CRHR2: variants seen among roughly 807,000 people sequenced by gnomAD.
The protein encoded by CRHR2 is corticotropin releasing hormone receptor 2, also known as corticotropin-releasing hormone receptor 2.
A neutral mutation model predicts 57.9 loss-of-function variants in CRHR2; 53 were observed. The ratio of observed to expected loss-of-function variants is 0.92; its 90% CI spans 0.73 to 1.15. The LOEUF is 1.15. CRHR2 is among the 50% of genes most tolerant of loss of function. CRHR2 has a pLI of 0.00. For synonymous variants in CRHR2, 213 were observed against 220.9 expected, an observed-to-expected ratio of 0.96 and a Z score of 0.32; for missense variants, 532 against 542.6, an observed-to-expected ratio of 0.98 and a Z score of 0.19.
chr7:30,677,808 G>A (rs920071273), intron 2 of CRHR2, among the ~76,000 whole-genome samples: 2 of 152,242 alleles, frequency 1.3e-5, no homozygotes, highest in East Asian at 1.9e-4. Flanking sequence ...AGTGGCTCAC[G>A]CCTATACTCC....
At position 30,653,990 on chromosome 7, in the gene CRHR2, G is replaced by A. The variant is rs527513129; in HGVS notation, c.1096-390C>T. Among the ~76,000 whole-genome samples, 45 of 152,026 alleles carry A rather than the reference G, an allele frequency of 3.0e-4. No homozygotes were observed. Among genetic ancestry groups the A allele is most frequent in the African/African-American group, 1.1e-3 (45 of 41,470 alleles). On this transcript the variant is annotated intron_variant, in intron 11 of 11. Coordinates refer to ENST00000471646, the MANE Select transcript of CRHR2 (RefSeq NM_001883.5). The surrounding 1 kb of genome is among the most constrained non-coding windows in gnomAD (Gnocchi z 5.0). ...TCCTTGCAGGGCGTTGGTGGTGTGCGCCCAGCTCACACACCTGGTGCGCCT... is the reference window on the plus strand; with the variant it reads ...TCCTTGCAGGGCGTTGGTGGTGTGCACCCAGCTCACACACCTGGTGCGCCT...
intron 2 of CRHR2, among the ~76,000 whole-genome samples, chr7:30,671,043 G>A (rs1481351644): frequency 3.3e-5 from 5 of 152,178 alleles, no homozygotes; most frequent in African/African-American, 9.7e-5. Context: ...GTTACCTGGG[G>A]TGGTCCTGAA....
Position 30,665,117 on chromosome 7 carries a change from A to G in CRHR2, c.496T>C (p.Trp166Arg), listed in dbSNP as rs1350765247. The G allele has an allele frequency of 3.7e-6, 6 of 1,614,090 alleles. No individual in the cohort carries two copies. Among genetic ancestry groups the G allele is most frequent in the Non-Finnish European group, 5.1e-6 (6 of 1,180,018 alleles). ...ITTFILRNVMWFLLQLVDHEV... is the reference protein window; with the variant it reads ...ITTFILRNVMRFLLQLVDHEV... ...TGGTCAACGAGCTGCAGCAGGAACC[A>G]CATGACATTTCGCAGGATAAAGGTG... Residue 166 changes from tryptophan (W) to arginine (R), a missense_variant, in exon 5 of 12, where the codon TGG becomes CGG. Transcript: ENST00000471646. This position sits in a 1 kb window ranked among gnomAD's most constrained non-coding sequence, Gnocchi z 4.5.
intron 2 of CRHR2, among the ~76,000 whole-genome samples, chr7:30,669,973 C>T (rs190317392): frequency 1.4e-4 from 21 of 152,264 alleles, no homozygotes; most frequent in African/African-American, 2.6e-4. Context: ...ACTCAAATGC[C>T]GCCTCCTGCA....
At chr7:30,667,549 C>T (rs1034613365) in intron 2 of CRHR2, among the ~76,000 whole-genome samples, 3 of 152,238 alleles carry the variant, frequency 2.0e-5, no homozygotes, top group Admixed American at 1.3e-4. Flanking sequence ...CTTTGACTAG[C>T]ATTTTGTACA....
chr7:30,680,159 C>G (rs1784654214), intron 2 of CRHR2, among the ~76,000 whole-genome samples: 1 of 152,204 alleles, frequency 6.6e-6, no homozygotes, highest in Non-Finnish European at 1.5e-5. Context: ...CCCCACACCC[C>G]AATCCCATAG....
intron 2 of CRHR2, among the ~76,000 whole-genome samples, chr7:30,670,790 G>C (rs1283045566): frequency 2.6e-5 from 4 of 152,234 alleles, no homozygotes; most frequent in Admixed American, 6.5e-5. Flanking sequence ...AGAGAGGTGG[G>C]TGCCCATTAC....
At chr7:30,660,804 C>G (rs1783969998) in intron 7 of CRHR2, among the ~76,000 whole-genome samples, 159 bp from the exon 8 acceptor site, 1 of 152,214 alleles carries the variant, frequency 6.6e-6, no homozygotes, top group Non-Finnish European at 1.5e-5. Context: ...CTCCACTGAC[C>G]ACCCTTACCC....
At position 30,665,175 on chromosome 7, in the gene CRHR2, A is replaced by G; in HGVS notation, c.438T>C (p.Cys146=). The change falls in exon 5 of 12, where the codon TGT becomes TGC. Residue 146 remains cysteine, a synonymous_variant. Transcript: ENST00000471646. This position sits in a 1 kb window ranked among gnomAD's most constrained non-coding sequence, Gnocchi z 4.5. ...LLFLALRSIR[C]LRNVIHWNLI... ...GGTTCCAGTGAATCACATTCCGCAG[A>G]CAGCGAATGCTCCTGTGGGAGGTGC... 1 of 1,614,066 alleles carries G rather than the reference A, an allele frequency of 6.2e-7. No individual in the cohort carries two copies. Among genetic ancestry groups the G allele is most frequent in the Non-Finnish European group, 8.5e-7 (1 of 1,179,936 alleles).
chr7:30,666,856 TGGA>T (rs1450834356), intron 3 of CRHR2, among the ~76,000 whole-genome samples: 1 of 152,162 alleles, frequency 6.6e-6, no homozygotes, highest in Non-Finnish European at 1.5e-5. Context: ...TGTTTCCATG[TGGA>T]GTCACAGAAT....
chr7:30,665,017 C>T lies in CRHR2; in HGVS notation c.543+53G>A, dbSNP rs1437823134. 1.0e-5 allele frequency: 15 copies of T among 1,455,506 alleles called. No homozygotes were observed. In the South Asian group the frequency reaches 1.3e-4, roughly 12 times the overall value. The allele number at this position is 1,455,506 out of a possible 1,614,324, so 90.2% of individuals were successfully genotyped here. ...AGAGACCAGACAGACAGATGGGTGC[C>T]CCCGGAGCCCAGAGCCCCCCAGGTA... On this transcript the variant is annotated intron_variant, in intron 5 of 11. Transcript: ENST00000471646. This position sits in a 1 kb window ranked among gnomAD's most constrained non-coding sequence, Gnocchi z 4.5.
chr7:30,667,241 A>G lies in CRHR2; in HGVS notation c.302T>C (p.Ile101Thr), dbSNP rs1003438447. 1.1e-5 allele frequency: 17 copies of G among 1,613,982 alleles called. No homozygotes were observed. The highest frequency in any genetic ancestry group is 1.0e-5 in the Non-Finnish European group (12 of 1,180,012). ...SKINYSQCEPILDDKQRKYDL... is the reference protein window; with the variant it reads ...SKINYSQCEPTLDDKQRKYDL... ...AGGGCCACTCACCTTGTCATCCAAAATGGGCTCACACTGTGAGTAGTTGAT... is the reference window on the plus strand; with the variant it reads ...AGGGCCACTCACCTTGTCATCCAAAGTGGGCTCACACTGTGAGTAGTTGAT... The change falls in exon 3 of 12, where the codon ATT (isoleucine) becomes ACT (threonine). Residue 101 changes from isoleucine (I) to threonine (T), a missense_variant. Ile to Thr is a moderately conservative substitution (Grantham distance 89, BLOSUM62 -1). Coordinates refer to ENST00000471646, the MANE Select transcript of CRHR2 (RefSeq NM_001883.5).
rs1004139100 is a variant in CRHR2, at chr7:30,652,542, T to A, written c.*918A>T. On this transcript the variant is annotated 3_prime_UTR_variant, in exon 12 of 12. Transcript: ENST00000471646. This position sits in a 1 kb window ranked among gnomAD's most constrained non-coding sequence, Gnocchi z 4.4. ...AGCCACGATCCTTGGCCCACACCACTCTTCGGGTGCCTGGGTGACTTGACC... is the reference window on the plus strand; with the variant it reads ...AGCCACGATCCTTGGCCCACACCACACTTCGGGTGCCTGGGTGACTTGACC... The A allele has an allele frequency of 1.3e-5, 2 of 152,196 alleles. No individual in the cohort carries two copies. Among genetic ancestry groups the A allele is most frequent in the African/African-American group, 4.8e-5 (2 of 41,426 alleles). 9.4% of individuals were successfully genotyped at this position (152,196 alleles called of 1,614,324 possible).
intron 11 of CRHR2, 54 bp downstream of exon 11, chr7:30,654,985 G>T: frequency 6.3e-7 from 1 of 1,598,568 alleles, no homozygotes; most frequent in African/African-American, 1.3e-5. Context: ...CTGCCCTGGA[G>T]TGGGGTCTGA....
upstream of CRHR2, chr7:30,686,375 GA>G: frequency 6.6e-7 from 1 of 1,525,032 alleles, no homozygotes; most frequent in Non-Finnish European, 8.8e-7. Context: ...GAGTCACTAA[GA>G]AAGGACAGAT....
intron 8 of CRHR2, among the ~76,000 whole-genome samples, chr7:30,657,036 C>G (rs1234484122): frequency 6.6e-6 from 1 of 152,024 alleles, no homozygotes; most frequent in Non-Finnish European, 1.5e-5. Context: ...CAGAGGGAGA[C>G]ACATGTTAGC....
chr7:30,697,121 G>A (rs942711711), intron 1 of CRHR2, among the ~76,000 whole-genome samples: 2 of 152,204 alleles, frequency 1.3e-5, no homozygotes, highest in Non-Finnish European at 2.9e-5. Flanking sequence ...GTATGTTAGG[G>A]GACACTGTGG....
chr7:30,667,373 G>T, intron 2 of CRHR2, 60 bp from the exon 3 acceptor site: 1 of 1,422,990 alleles, frequency 7.0e-7, no homozygotes, highest in Non-Finnish European at 9.9e-7. Context: ...ACCCTCCCTG[G>T]CTCCCTGGTG....
At chr7:30,664,045 C>T (rs1000046878) in intron 5 of CRHR2, among the ~76,000 whole-genome samples, 5 of 152,216 alleles carry the variant, frequency 3.3e-5, no homozygotes, top group Non-Finnish European at 5.9e-5. Flanking sequence ...CTCCTCCCAA[C>T]CCTACTTTTC....
Sources: allele counts gnomAD v4.1 joint callset (sites outside exome capture counted in the v4.1 genomes callset), GRCh38; gene constraint gnomAD v4.1.1; non-coding constraint Gnocchi (gnomAD v3.1); transcripts MANE v1.5; gene names NCBI Gene and HGNC (gene_info 2026-07-23, HGNC 2026-07-21).